Variants in EXOC4 observed in about 807,000 individuals in gnomAD.
EXOC4 encodes the protein exocyst complex component 4.
EXOC4 carries 71 observed loss-of-function variants against 107.2 expected under a neutral mutation model. The ratio of observed to expected loss-of-function variants is 0.66; its 90% CI spans 0.55 to 0.81. The LOEUF (loss-of-function observed/expected upper bound fraction) is 0.81. EXOC4 is among the 30% of genes least tolerant of loss of function. The pLI, the probability that EXOC4 is intolerant of heterozygous loss-of-function variation, is 0.00. For synonymous variants in EXOC4, 456 were observed against 441.2 expected (o/e 1.03, Z -0.42); for missense variants, 1,108 against 1,189.6 (o/e 0.93, Z 1.01).
intron 7 of EXOC4, among the ~76,000 whole-genome samples, chr7:133,426,713 G>A (rs1797735021): frequency 6.6e-6 from 1 of 152,182 alleles, no homozygotes; most frequent in Non-Finnish European, 1.5e-5. Context: ...AATGTATGTA[G>A]GTTCTTTCTG....
chr7:133,934,825 A>G (rs1162643193), intron 13 of EXOC4, among the ~76,000 whole-genome samples: 6 of 151,996 alleles, frequency 3.9e-5, no homozygotes, highest in East Asian at 1.9e-4. Context: ...GTGACAGCCA[A>G]GGGAAATACT....
intron 10 of EXOC4, among the ~76,000 whole-genome samples, chr7:133,636,981 A>G (rs528846709): frequency 2.6e-4 from 40 of 152,330 alleles, no homozygotes; most frequent in African/African-American, 8.9e-4. Flanking sequence ...TTACTCTTAG[A>G]TGTATATGTT....
At chr7:133,777,286 AG>A (rs1796365448) in intron 10 of EXOC4, among the ~76,000 whole-genome samples, 88 of 149,586 alleles carry the variant, frequency 5.9e-4, no homozygotes, top group African/African-American at 1.8e-3. Flanking sequence ...AGAAAGAGAG[AG>A]AGAGAGAGAG....
chr7:133,638,916 A>G (rs1441697360), intron 10 of EXOC4, among the ~76,000 whole-genome samples: 2 of 152,206 alleles, frequency 1.3e-5, no homozygotes, highest in African/African-American at 2.4e-5. Flanking sequence ...CAGCTTATAT[A>G]TAAAAGACAG....
At chr7:133,509,575 C>T (rs1416669321) in intron 9 of EXOC4, among the ~76,000 whole-genome samples, 1 of 151,902 alleles carries the variant, frequency 6.6e-6, no homozygotes, top group Non-Finnish European at 1.5e-5. Flanking sequence ...CCATCCCGGA[C>T]TCTAAGGCCA....
chr7:133,571,125 T>A (rs1015605496), intron 9 of EXOC4, among the ~76,000 whole-genome samples: 2 of 152,176 alleles, frequency 1.3e-5, no homozygotes, highest in African/African-American at 4.8e-5. Flanking sequence ...CGATATTTTT[T>A]AAAGTGATTA....
chr7:134,007,600 C>A, intron 16 of EXOC4, 76 bp from the exon 17 acceptor site: 1 of 1,388,336 alleles, frequency 7.2e-7, no homozygotes, highest in East Asian at 2.4e-5. Context: ...GACAGCAATT[C>A]TGTGTGCAAG....
At chr7:133,743,572 T>C (rs541443719) in intron 10 of EXOC4, among the ~76,000 whole-genome samples, 6 of 152,172 alleles carry the variant, frequency 3.9e-5, no homozygotes, top group South Asian at 2.1e-4. Flanking sequence ...CAGAGGAAGA[T>C]AGCGAATGGA....
intron 13 of EXOC4, among the ~76,000 whole-genome samples, chr7:133,923,286 G>A (rs183662791): frequency 1.3e-5 from 2 of 151,906 alleles, no homozygotes; most frequent in African/African-American, 4.8e-5. Flanking sequence ...CCACCACAAC[G>A]CCTGGCTGAT....
intron 9 of EXOC4, among the ~76,000 whole-genome samples, chr7:133,593,451 T>C (rs1272234925): frequency 6.6e-6 from 1 of 152,180 alleles, no homozygotes; most frequent in Non-Finnish European, 1.5e-5. Flanking sequence ...GCCATCTTGC[T>C]CCCTGAATCA....
chr7:133,737,411 C>A (rs1274441388), intron 10 of EXOC4, among the ~76,000 whole-genome samples: 1 of 150,552 alleles, frequency 6.6e-6, no homozygotes, highest in Non-Finnish European at 1.5e-5. Flanking sequence ...TTTTTTTGGA[C>A]ATTTCTTTTC....
intron 17 of EXOC4, among the ~76,000 whole-genome samples, chr7:134,011,253 T>G (rs1794755830): frequency 6.6e-6 from 1 of 151,608 alleles, no homozygotes; most frequent in South Asian, 2.1e-4. Flanking sequence ...GGTGGCAGCA[T>G]AACAAGAGAG....
intron 7 of EXOC4, among the ~76,000 whole-genome samples, chr7:133,423,779 G>C (rs974401467): frequency 6.6e-6 from 1 of 152,114 alleles, no homozygotes; most frequent in Non-Finnish European, 1.5e-5. Flanking sequence ...AGCGCTGCGC[G>C]CAGGCCTTGT....
intron 9 of EXOC4, among the ~76,000 whole-genome samples, chr7:133,584,105 A>G (rs1242374607): frequency 6.6e-6 from 1 of 152,138 alleles, no homozygotes; most frequent in African/African-American, 2.4e-5. Flanking sequence ...AAGAGCTCAG[A>G]TTTGGATTTG....
chr7:133,573,554 G>A (rs937236361), intron 9 of EXOC4, among the ~76,000 whole-genome samples: 24 of 152,090 alleles, frequency 1.6e-4, no homozygotes, highest in African/African-American at 5.6e-4. Flanking sequence ...GTGGTAATAC[G>A]CCCCAAAGTA....
chr7:133,793,602 T>C (rs1796750342), intron 10 of EXOC4, among the ~76,000 whole-genome samples: 1 of 152,162 alleles, frequency 6.6e-6, no homozygotes, highest in African/African-American at 2.4e-5. Context: ...CCTAACACTT[T>C]GGGAGGCCAA....
intron 9 of EXOC4, among the ~76,000 whole-genome samples, chr7:133,562,588 C>T (rs1348798651): frequency 6.6e-6 from 1 of 152,156 alleles, no homozygotes; most frequent in Non-Finnish European, 1.5e-5. Context: ...GAGCTGTTTT[C>T]ACAAGTGTGT....
chr7:133,569,421 A>C (rs2150957748), intron 9 of EXOC4, among the ~76,000 whole-genome samples: 1 of 152,330 alleles, frequency 6.6e-6, no homozygotes, highest in African/African-American at 2.4e-5. Context: ...AAAATGTGTA[A>C]GTTGACATAA....
intron 2 of EXOC4, among the ~76,000 whole-genome samples, chr7:133,283,249 C>CT (rs915737257): frequency 2.0e-5 from 3 of 152,048 alleles, no homozygotes; most frequent in Non-Finnish European, 4.4e-5. Flanking sequence ...ACCACAGATA[C>CT]TTTTTTGTGG....
Sources: allele counts gnomAD v4.1 joint callset (sites outside exome capture counted in the v4.1 genomes callset), GRCh38; gene constraint gnomAD v4.1.1; transcripts MANE v1.5; gene names NCBI Gene and HGNC (gene_info 2026-07-23, HGNC 2026-07-21).